POLR2F: variants seen among roughly 807,000 people sequenced by gnomAD.
POLR2F encodes the protein DNA-directed RNA polymerases I, II, and III subunit RPABC2.
POLR2F carries 12 observed loss-of-function variants against 22.7 expected under a neutral mutation model. The ratio of observed to expected loss-of-function variants is 0.53; its 90% confidence interval spans 0.34 to 0.86. POLR2F has a LOEUF of 0.86. Among genes scored for constraint, POLR2F ranks in the 40% least tolerant of loss-of-function variants. The probability of loss-of-function intolerance (pLI) is 0.02; values close to 1 mark genes in which losing one functional copy is unlikely to be tolerated. For synonymous variants in POLR2F, 57 were observed against 66.0 expected (o/e 0.86, Z 0.66); for missense variants, 126 against 171.5 (o/e 0.73, Z 1.48).
At chr22:37,967,260 G>T in intron 4 of POLR2F, 90 bp downstream of exon 4, 1 of 1,590,102 alleles carries the variant, frequency 6.3e-7, no homozygotes. Flanking sequence ...CACTTGCCTG[G>T]CTGGAGAAGT....
At chr22:38,028,110 C>T (rs956175635), downstream of POLR2F, among the ~76,000 whole-genome samples, 3 of 152,192 alleles carry the variant, frequency 2.0e-5, no homozygotes, top group Admixed American at 1.3e-4. Flanking sequence ...TCCTGGCCCA[C>T]TGACCGCCCC....
At chr22:37,982,707 C>T (rs369111408), upstream of POLR2F, among the ~76,000 whole-genome samples, 4 of 152,144 alleles carry the variant, frequency 2.6e-5, no homozygotes, top group African/African-American at 9.6e-5. Flanking sequence ...GACTCTGGGG[C>T]AGGGCAGGAG....
intron 3 of POLR2F, among the ~76,000 whole-genome samples, chr22:37,960,369 G>A (rs6000960): frequency 0.025 from 3,818 of 152,004 alleles, 157 homozygotes; most frequent in African/African-American, 0.087. Context: ...GACTACAGGC[G>A]TCCACCACCA....
At chr22:37,960,317 G>A (rs770135863) in intron 3 of POLR2F, among the ~76,000 whole-genome samples, 4 of 151,296 alleles carry the variant, frequency 2.6e-5, no homozygotes, top group East Asian at 1.9e-4. Flanking sequence ...CCTGCCTCCC[G>A]GGTTCAAGCG....
At position 37,969,110 on chromosome 22, in the gene POLR2F, A is replaced by T; in HGVS notation, c.*1395A>T. 2 of 985,254 alleles carry T rather than the reference A, an allele frequency of 2.0e-6. No individual in the cohort carries two copies. Among genetic ancestry groups the T allele is most frequent in the Non-Finnish European group, 1.2e-6 (1 of 829,934 alleles). 61.0% of individuals were successfully genotyped at this position (985,254 alleles called of 1,614,324 possible). ...GCTGGGCTGCTCAGTATCAGATGTG[A>T]TTAAAGGGAGATGGGGTTTGGGCTG... On this transcript the variant is annotated 3_prime_UTR_variant, in exon 5 of 5. Transcript: ENST00000442738.
At chr22:38,038,268 G>C (rs2085135484) in intron 5 of POLR2F, among the ~76,000 whole-genome samples, 1 of 152,204 alleles carries the variant, frequency 6.6e-6, no homozygotes, top group Admixed American at 6.5e-5. Flanking sequence ...ACCAGGACCA[G>C]CTTTGGGACC....
downstream of POLR2F, chr22:37,973,779 G>C: frequency 6.3e-7 from 1 of 1,595,376 alleles, no homozygotes; most frequent in Non-Finnish European, 8.6e-7. Flanking sequence ...GAGGTGGATG[G>C]CTGGTCGGTG....
chr22:37,966,021 CAT>C (rs918295300), intron 3 of POLR2F, among the ~76,000 whole-genome samples: 1 of 152,240 alleles, frequency 6.6e-6, no homozygotes, highest in African/African-American at 2.4e-5. Context: ...TGGTGAATCA[CAT>C]GTGGTTCTGG....
At chr22:37,999,556 G>A (rs1429415114) in intron 1 of POLR2F, among the ~76,000 whole-genome samples, 2 of 152,070 alleles carry the variant, frequency 1.3e-5, no homozygotes, top group Non-Finnish European at 2.9e-5. Context: ...AATCCTCCCA[G>A]GTCATCTGCA....
intron 1 of POLR2F, among the ~76,000 whole-genome samples, chr22:38,014,006 C>T (rs2084894123): frequency 6.6e-6 from 1 of 151,632 alleles, no homozygotes; most frequent in Non-Finnish European, 1.5e-5. Context: ...CCTGTAATCC[C>T]AGCTACTCGG....
chr22:38,013,808 T>G (rs1206412167), intron 1 of POLR2F, among the ~76,000 whole-genome samples: 7 of 152,234 alleles, frequency 4.6e-5, no homozygotes, highest in African/African-American at 9.6e-5. Flanking sequence ...TCTAGTTGTT[T>G]GTTGCTTGCA....
chr22:37,973,762 G>C, downstream of POLR2F: 1 of 1,596,754 alleles, frequency 6.3e-7, no homozygotes, highest in East Asian at 2.2e-5. Context: ...AGGTGTAGGC[G>C]ATCTGTGAGG....
rs1465531717 is a variant in POLR2F, at chr22:37,997,508, G to A, written c.120+11196G>A. ...TCCCTCCATGAATTTCTCTGTCTCT[G>A]TCCTGTGCCACCTCTCATCTGCCCT... On this transcript the variant is annotated intron_variant, in intron 1 of 2. Transcript: ENST00000333418. This position sits in a 1 kb window ranked among gnomAD's most constrained non-coding sequence, Gnocchi z 4.4. Among the ~76,000 whole-genome samples, 1 of 151,930 alleles carries A rather than the reference G, an allele frequency of 6.6e-6. No individual in the cohort carries two copies. Among genetic ancestry groups the A allele is most frequent in the African/African-American group, 2.4e-5 (1 of 41,328 alleles).
chr22:38,031,135 C>T (rs1289201707), downstream of POLR2F, among the ~76,000 whole-genome samples: 4 of 152,224 alleles, frequency 2.6e-5, no homozygotes, highest in South Asian at 2.1e-4. The surrounding 1 kb of genome is among the most constrained non-coding windows in gnomAD (Gnocchi z 4.1). Context: ...TGTCAGGCCT[C>T]AGCTCCAGCA....
intron 1 of POLR2F, among the ~76,000 whole-genome samples, chr22:37,996,183 G>A (rs1444710809): frequency 6.6e-6 from 1 of 152,208 alleles, no homozygotes; most frequent in African/African-American, 2.4e-5. Flanking sequence ...AAGAGGAGGA[G>A]GGGATGGGGG....
rs1405074686 is a variant in POLR2F, at chr22:38,012,993, C to G, written c.121-12876C>G. 2.6e-5 allele frequency among the ~76,000 whole-genome samples: 4 copies of G among 152,310 alleles called. No individual in the cohort carries two copies. In the East Asian group the frequency reaches 5.8e-4, roughly 22 times the overall value. ...CAGAAGTGAGTCACTAAGTCCAGTT[C>G]TCACTCAAGGAGATGGAAATGAAGC... On this transcript the variant is annotated intron_variant, in intron 1 of 2. Transcript: ENST00000333418.
At position 37,986,994 on chromosome 22, in the gene POLR2F, G is replaced by A. The variant is rs1169400903; in HGVS notation, c.120+682G>A. 4.4e-6 allele frequency: 2 copies of A among 454,054 alleles called. No homozygotes were observed. The highest frequency in any genetic ancestry group is 8.9e-6 in the Non-Finnish European group (2 of 225,018). The allele number at this position is 454,054 out of a possible 1,614,324, so 28.1% of individuals were successfully genotyped here. A position where few individuals can be genotyped will look rare whatever the true frequency, so the allele number is the denominator to read the frequency against. ...TTCTCCTCCTTTCCCTGCTGGGGGT[G>A]GCAGGGGTCCCTTTACCCCCTCATT... On this transcript the variant is annotated intron_variant, in intron 1 of 2. Coordinates refer to the POLR2F transcript ENST00000333418. The surrounding 1 kb of genome is among the most constrained non-coding windows in gnomAD (Gnocchi z 4.7).
At chr22:37,983,592 C>G (rs1413568253), upstream of POLR2F, 7 of 1,608,942 alleles carry the variant, frequency 4.4e-6, no homozygotes, top group South Asian at 1.1e-5. The surrounding 1 kb of genome is among the most constrained non-coding windows in gnomAD (Gnocchi z 9.5). Context: ...AACTTGTCAT[C>G]GTCCGCCTCG....
In POLR2F at chr22:37,968,258, C is replaced by T; in HGVS notation, c.*543C>T. ...CGTGGGGGTGTGCTGATCTCCCACCCTCCCCAGGCAGAGCCCTGCTGGGCA... is the reference window on the plus strand; with the variant it reads ...CGTGGGGGTGTGCTGATCTCCCACCTTCCCCAGGCAGAGCCCTGCTGGGCA... On this transcript the variant is annotated 3_prime_UTR_variant, in exon 5 of 5. Transcript: ENST00000442738. 1.0e-6 allele frequency: 1 copy of T among 985,544 alleles called. No individual in the cohort carries two copies. Among genetic ancestry groups the T allele is most frequent in the South Asian group, 4.7e-5 (1 of 21,294 alleles). The allele number at this position is 985,544 out of a possible 1,614,324, so 61.0% of individuals were successfully genotyped here. A position where few individuals can be genotyped will look rare whatever the true frequency, so the allele number is the denominator to read the frequency against.
Sources: allele counts gnomAD v4.1 joint callset (sites outside exome capture counted in the v4.1 genomes callset), GRCh38; gene constraint gnomAD v4.1.1; non-coding constraint Gnocchi (gnomAD v3.1); transcripts MANE v1.5; gene names NCBI Gene and HGNC (gene_info 2026-07-23, HGNC 2026-07-21).